CCL8: variants seen among roughly 807,000 people sequenced by gnomAD.
CCL8 encodes the protein C-C motif chemokine 8.
A neutral mutation model predicts 6.6 loss-of-function variants in CCL8; 3 were observed. That is an observed-to-expected ratio of 0.45 (90% CI 0.21 to 1.17). The LOEUF is 1.17. CCL8 is among the 50% of genes most tolerant of loss of function. CCL8 has a pLI of 0.24. For synonymous variants in CCL8, 49 were observed against 41.8 expected, an observed-to-expected ratio of 1.17 and a Z score of -0.67; for missense variants, 127 against 118.1, an observed-to-expected ratio of 1.08 and a Z score of -0.35.
At position 34,321,153 on chromosome 17, in the gene CCL8, T is replaced by G. The variant is rs1909514183; in HGVS notation, c.*246T>G. 2 of 389,714 alleles carry G rather than the reference T, an allele frequency of 5.1e-6. No individual in the cohort carries two copies. Among genetic ancestry groups the G allele is most frequent in the Admixed American group, 4.9e-5 (1 of 20,500 alleles). 24.1% of individuals were successfully genotyped at this position (389,714 alleles called of 1,614,324 possible). On this transcript the variant is annotated 3_prime_UTR_variant, in exon 3 of 3. Coordinates refer to ENST00000394620, the MANE Select transcript of CCL8 (RefSeq NM_005623.3). ...AATCCTGGTGATGTGTTTTTTGTTTTTGTTTTCCTGTGAGCTCAACTAAGT... is the reference window on the plus strand; with the variant it reads ...AATCCTGGTGATGTGTTTTTTGTTTGTGTTTTCCTGTGAGCTCAACTAAGT...
intron 2 of CCL8, among the ~76,000 whole-genome samples, 187 bp from the exon 3 acceptor site, chr17:34,320,615 C>T (rs937938212): frequency 1.3e-5 from 2 of 152,236 alleles, no homozygotes; most frequent in African/African-American, 4.8e-5. Flanking sequence ...TGGAGGGTTT[C>T]ACCTGGACAG....
Position 34,319,563 on chromosome 17 carries a change from G to T in CCL8, c.62G>T (p.Gly21Val), listed in dbSNP as rs1291287506. Residue 21 changes from glycine to valine, a missense_variant, in exon 1 of 3, where the codon GGA (glycine) becomes GTA (valine). Coordinates refer to ENST00000394620, the MANE Select transcript of CCL8 (RefSeq NM_005623.3). ...LLMAATFSPQGLAQPDSVSIP... is the reference protein window; with the variant it reads ...LLMAATFSPQVLAQPDSVSIP... ...ATGGCAGCCACTTTCAGCCCTCAGG[G>T]ACTTGCTCAGCCAGGTAAGACCTCT... is the stretch of plus-strand genomic sequence containing the variant. 6.2e-7 allele frequency: 1 copy of T among 1,613,540 alleles called. No individual in the cohort carries two copies. The highest frequency in any genetic ancestry group is 1.3e-5 in the African/African-American group (1 of 74,890).
intron 2 of CCL8, 67 bp from the exon 3 acceptor site, chr17:34,320,734 CA>C (rs1180315035): frequency 1.0e-6 from 1 of 999,422 alleles, no homozygotes; most frequent in Non-Finnish European, 1.5e-6. Flanking sequence ...TTCTAGGGAC[CA>C]ATGGCCCACA....
Position 34,319,449 on chromosome 17 carries a change from C to G in CCL8, c.-53C>G. ...CACCGAGGAGCAGAGAGGTTGAGAA[C>G]AACCCAGAAACCTTCACCTCTCATG... On this transcript the variant is annotated 5_prime_UTR_variant, in exon 1 of 3. Coordinates refer to ENST00000394620, the MANE Select transcript of CCL8 (RefSeq NM_005623.3). The G allele has an allele frequency of 6.5e-7, 1 of 1,539,586 alleles. No individual in the cohort carries two copies. Among genetic ancestry groups the G allele is most frequent in the Non-Finnish European group, 9.0e-7 (1 of 1,113,878 alleles).
chr17:34,320,786 C>T lies in CCL8; in HGVS notation c.195-16C>T, dbSNP rs772667078. 7 of 1,520,336 alleles carry T rather than the reference C, an allele frequency of 4.6e-6. No individual in the cohort carries two copies. In the Admixed American group the frequency reaches 1.1e-4, roughly 24 times the overall value. 94.2% of individuals were successfully genotyped at this position (1,520,336 alleles called of 1,614,324 possible). A position where few individuals can be genotyped will look rare whatever the true frequency, so the allele number is the denominator to read the frequency against. The stretch of plus-strand genomic sequence containing the variant: ...TTCAAAGTCTTCCATCTAATTGTGC[C>T]CTCTCTCCCCCACAGCTTCAAGACC... On this transcript the variant is annotated splice_polypyrimidine_tract_variant and intron_variant, in intron 2 of 2. Coordinates refer to ENST00000394620, the MANE Select transcript of CCL8 (RefSeq NM_005623.3).
chr17:34,320,252 T>C lies in CCL8; in HGVS notation c.77-17T>C, dbSNP rs557164128. On this transcript the variant is annotated splice_polypyrimidine_tract_variant and intron_variant, in intron 1 of 2. Transcript: ENST00000394620. Reference sequence around the variant, plus strand: ...GGTGGGTCCTAAATGTCTCATTCTTTGCAAAATTTCTTTCAGATTCAGTTT... The same window carrying C: ...GGTGGGTCCTAAATGTCTCATTCTTCGCAAAATTTCTTTCAGATTCAGTTT... 7.7e-6 allele frequency: 12 copies of C among 1,548,532 alleles called. No homozygotes were observed. Among genetic ancestry groups the C allele is most frequent in the African/African-American group, 1.4e-5 (1 of 73,556 alleles).
chr17:34,319,597 A>G lies in CCL8; in HGVS notation c.76+20A>G. The G allele has an allele frequency of 6.3e-7, 1 of 1,579,618 alleles. No homozygotes were observed. On this transcript the variant is annotated intron_variant, in intron 1 of 2. Transcript: ENST00000394620. ...AGCCAGGTAAGACCTCTCCCTTTTT[A>G]AGGGGAGACCAAAAGAGGAATTAAG...
At chr17:34,319,628 C>A in intron 1 of CCL8, 51 bp downstream of exon 1, 5 of 1,361,602 alleles carry the variant, frequency 3.7e-6, no homozygotes, top group Non-Finnish European at 5.2e-6. Flanking sequence ...TTAAGAAGAG[C>A]CATTATGTCA....
intron 2 of CCL8, among the ~76,000 whole-genome samples, 181 bp from the exon 3 acceptor site, chr17:34,320,621 G>A (rs1056816966): frequency 4.6e-5 from 7 of 152,174 alleles, no homozygotes; most frequent in African/African-American, 1.7e-4. Flanking sequence ...GTTTCACCTG[G>A]ACAGCAAGAG....
At chr17:34,320,418 A>G in intron 2 of CCL8, 32 bp downstream of exon 2, 1 of 1,360,070 alleles carries the variant, frequency 7.4e-7, no homozygotes, top group Non-Finnish European at 1.1e-6. Flanking sequence ...CCCCCATTCA[A>G]AAGTTCTGAT....
Position 34,319,584 on chromosome 17 carries a change from C to A in CCL8, c.76+7C>A. ...CAGGGACTTGCTCAGCCAGGTAAGA[C>A]CTCTCCCTTTTTAAGGGGAGACCAA... On this transcript the variant is annotated splice_region_variant and intron_variant, in intron 1 of 2. Coordinates refer to ENST00000394620, the MANE Select transcript of CCL8 (RefSeq NM_005623.3). 2 of 1,608,992 alleles carry A rather than the reference C, an allele frequency of 1.2e-6. No individual in the cohort carries two copies. Among genetic ancestry groups the A allele is most frequent in the Non-Finnish European group, 1.7e-6 (2 of 1,175,874 alleles).
chr17:34,320,501 C>G, intron 2 of CCL8, 115 bp downstream of exon 2: 1 of 721,430 alleles, frequency 1.4e-6, no homozygotes, highest in Middle Eastern at 2.4e-4. Context: ...AAGGGCCCCT[C>G]TACCCCATAG....
chr17:34,319,782 C>T (rs749987744), intron 1 of CCL8, among the ~76,000 whole-genome samples: 1 of 152,140 alleles, frequency 6.6e-6, no homozygotes, highest in Non-Finnish European at 1.5e-5. Context: ...TAATCCAGAA[C>T]GAAGAACTGT....
chr17:34,319,896 A>G (rs1238548233), intron 1 of CCL8, among the ~76,000 whole-genome samples: 1 of 152,178 alleles, frequency 6.6e-6, no homozygotes, highest in African/African-American at 2.4e-5. Flanking sequence ...CTTCCAGAAC[A>G]GTGGCTGTGT....
chr17:34,320,141 G>T, intron 1 of CCL8, 128 bp from the exon 2 acceptor site: 1 of 641,432 alleles, frequency 1.6e-6, no homozygotes, highest in Non-Finnish European at 2.8e-6. Flanking sequence ...TTATCTCTGG[G>T]ATCTGGACTA....
chr17:34,321,047 T>A lies in CCL8; in HGVS notation c.*140T>A. Reference sequence around the variant, plus strand: ...TTTAAATAATTTAAAGCATAATATTTCTTAAAAAGTATTTAATTATATTTA... The same window carrying A: ...TTTAAATAATTTAAAGCATAATATTACTTAAAAAGTATTTAATTATATTTA... On this transcript the variant is annotated 3_prime_UTR_variant, in exon 3 of 3. Transcript: ENST00000394620. The A allele has an allele frequency of 1.7e-6, 1 of 571,736 alleles. No individual in the cohort carries two copies. The highest frequency in any genetic ancestry group is 3.3e-5 in the East Asian group (1 of 29,858). The allele number at this position is 571,736 out of a possible 1,614,324, so 35.4% of individuals were successfully genotyped here.
chr17:34,321,129 A>C lies in CCL8; in HGVS notation c.*222A>C. Reference sequence around the variant, plus strand: ...CATCCTAGTGAATGTAAAATGCAAAATCCTGGTGATGTGTTTTTTGTTTTT... The same window carrying C: ...CATCCTAGTGAATGTAAAATGCAAACTCCTGGTGATGTGTTTTTTGTTTTT... On this transcript the variant is annotated 3_prime_UTR_variant, in exon 3 of 3. Transcript: ENST00000394620. 2.3e-6 allele frequency: 1 copy of C among 436,140 alleles called. No homozygotes were observed. The highest frequency in any genetic ancestry group is 4.6e-5 in the Admixed American group (1 of 21,902). The allele number at this position is 436,140 out of a possible 1,614,324, so 27.0% of individuals were successfully genotyped here.
In CCL8 at chr17:34,321,140, G is replaced by GTGTTTTT. The variant is rs370883647; in HGVS notation, c.*241_*247dup. Reference sequence around the variant, plus strand: ...ATGTAAAATGCAAAATCCTGGTGATGTGTTTTTTGTTTTTGTTTTCCTGTG... The same window carrying GTGTTTTT: ...ATGTAAAATGCAAAATCCTGGTGATGTGTTTTTTGTTTTTTGTTTTTGTTTTCCTGTG... On this transcript the variant is annotated 3_prime_UTR_variant, in exon 3 of 3. Coordinates refer to ENST00000394620, the MANE Select transcript of CCL8 (RefSeq NM_005623.3). 6.3e-4 allele frequency: 263 copies of GTGTTTTT among 416,740 alleles called. 2 individuals carry two copies. The highest frequency in any genetic ancestry group is 5.1e-3 in the African/African-American group (241 of 47,456). The allele number at this position is 416,740 out of a possible 1,614,324, so 25.8% of individuals were successfully genotyped here. A position where few individuals can be genotyped will look rare whatever the true frequency, so the allele number is the denominator to read the frequency against.
Position 34,320,796 on chromosome 17 carries a change from C to T in CCL8, c.195-6C>T. On this transcript the variant is annotated splice_region_variant and splice_polypyrimidine_tract_variant and intron_variant, in intron 2 of 2. Transcript: ENST00000394620. ...TCCATCTAATTGTGCCCTCTCTCCC[C>T]CACAGCTTCAAGACCAAACGGGGCA... 6.3e-7 allele frequency: 1 copy of T among 1,584,988 alleles called. No individual in the cohort carries two copies. Among genetic ancestry groups the T allele is most frequent in the Non-Finnish European group, 8.6e-7 (1 of 1,161,452 alleles).
Sources: gnomAD v4.1 joint callset for allele counts (sites outside exome capture counted in the v4.1 genomes callset) on GRCh38, gnomAD v4.1.1 for gene constraint, MANE v1.5 for transcripts, NCBI Gene and HGNC (gene_info 2026-07-23, HGNC 2026-07-21) for gene names.